IPPK: variants seen among roughly 807,000 people sequenced by gnomAD.
IPPK encodes IPK1 homolog.
IPPK carries 22 observed loss-of-function variants against 64.6 expected under a neutral mutation model. The observed-to-expected ratio is 0.34, with a 90% CI of 0.24 to 0.49. The LOEUF is 0.49. IPPK is among the 20% of genes least tolerant of loss of function. The pLI, the probability that IPPK is intolerant of heterozygous loss-of-function variation, is 0.99. For missense variants in IPPK, 532 were observed against 630.7 expected (o/e 0.84, Z 1.68); for synonymous variants, 262 against 247.2 (o/e 1.06, Z -0.56).
At chr9:92,637,632 CTCTG>C (rs777197219) in intron 9 of IPPK, among the ~76,000 whole-genome samples, 6 of 152,278 alleles carry the variant, frequency 3.9e-5, no homozygotes, top group Admixed American at 2.0e-4. Context: ...CCTCAATTCT[CTCTG>C]TCTAAGGAAC....
chr9:92,662,193 A>G (rs1852498516), intron 1 of IPPK, among the ~76,000 whole-genome samples: 1 of 152,202 alleles, frequency 6.6e-6, no homozygotes, highest in Admixed American at 6.5e-5. Flanking sequence ...GATATTTGAA[A>G]CTTACCTTCT....
chr9:92,633,588 A>G (rs1455471182), intron 11 of IPPK, among the ~76,000 whole-genome samples: 1 of 151,806 alleles, frequency 6.6e-6, no homozygotes. Flanking sequence ...TTGGCTTCCA[A>G]CTTTTGGTTT....
At chr9:92,638,977 G>A (rs1404908114) in intron 8 of IPPK, among the ~76,000 whole-genome samples, 1 of 152,214 alleles carries the variant, frequency 6.6e-6, no homozygotes, top group African/African-American at 2.4e-5. Context: ...GCTGCCCAGG[G>A]GAAAGGCCCC....
intron 6 of IPPK, among the ~76,000 whole-genome samples, chr9:92,643,574 G>C (rs1470700724): frequency 1.3e-5 from 2 of 148,494 alleles, no homozygotes; most frequent in South Asian, 4.4e-4. Flanking sequence ...TGGATACAGT[G>C]TAATGTCAAT....
intron 6 of IPPK, among the ~76,000 whole-genome samples, chr9:92,646,701 T>C (rs899738993): frequency 6.6e-6 from 1 of 152,130 alleles, no homozygotes; most frequent in Non-Finnish European, 1.5e-5. Context: ...CTCACACCTG[T>C]AATCCCAGCA....
At chr9:92,621,490 C>T (rs1363560334) in intron 11 of IPPK, among the ~76,000 whole-genome samples, 3 of 144,466 alleles carry the variant, frequency 2.1e-5, no homozygotes, top group Non-Finnish European at 4.5e-5. Context: ...GCATTTAAGT[C>T]AGAAATAATA....
At chr9:92,650,025 CAAAA>C (rs976792024) in intron 4 of IPPK, among the ~76,000 whole-genome samples, 1 of 68,706 alleles carries the variant, frequency 1.5e-5, no homozygotes. Context: ...GACTCTGTCT[CAAAA>C]AAAAAAAAAA....
chr9:92,633,686 A>G (rs1035015142), intron 11 of IPPK, among the ~76,000 whole-genome samples: 2 of 152,248 alleles, frequency 1.3e-5, no homozygotes, highest in African/African-American at 4.8e-5. Flanking sequence ...TGTAACATTT[A>G]ATGCAGTGAT....
At chr9:92,622,564 T>C (rs533965420) in intron 11 of IPPK, among the ~76,000 whole-genome samples, 3 of 152,162 alleles carry the variant, frequency 2.0e-5, no homozygotes, top group African/African-American at 7.2e-5. Flanking sequence ...GAAATTAATA[T>C]AAGACCTCTC....
In IPPK at chr9:92,635,379, C is replaced by G; in HGVS notation, c.917-71G>C. ...GAACGTGGAGGGAGACACAGGCCGG[C>G]GCAGACCGCAGGGCTCATCCTGGGC... On this transcript the variant is annotated intron_variant, in intron 9 of 12. Transcript: ENST00000287996. This position sits in a 1 kb window ranked among gnomAD's most constrained non-coding sequence, Gnocchi z 4.4. 1 of 1,508,250 alleles carries G rather than the reference C, an allele frequency of 6.6e-7. No homozygotes were observed. 93.4% of individuals were successfully genotyped at this position (1,508,250 alleles called of 1,614,324 possible).
At chr9:92,653,831 G>A (rs1043448747) in intron 3 of IPPK, among the ~76,000 whole-genome samples, 39 of 152,058 alleles carry the variant, frequency 2.6e-4, no homozygotes, top group Admixed American at 2.4e-3. Flanking sequence ...GCGACAGAGC[G>A]AGAATTTGTC....
At chr9:92,661,455 G>A (rs1196704757) in intron 1 of IPPK, among the ~76,000 whole-genome samples, 1 of 152,182 alleles carries the variant, frequency 6.6e-6, no homozygotes, top group Non-Finnish European at 1.5e-5. Context: ...AGAGGATATG[G>A]ACACAGGCCT....
chr9:92,655,582 T>G (rs1017524727), intron 3 of IPPK, among the ~76,000 whole-genome samples: 1 of 152,108 alleles, frequency 6.6e-6, no homozygotes, highest in African/African-American at 2.4e-5. Context: ...AGGTTGCCAA[T>G]GGGACCTCGA....
At chr9:92,624,669 C>A (rs1348940828) in intron 11 of IPPK, among the ~76,000 whole-genome samples, 2 of 152,030 alleles carry the variant, frequency 1.3e-5, no homozygotes, top group Non-Finnish European at 2.9e-5. Flanking sequence ...CATTTCTTTT[C>A]TCATCGTTAT....
intron 4 of IPPK, 25 bp downstream of exon 4, chr9:92,652,548 A>G (rs765997678): frequency 2.3e-6 from 3 of 1,294,606 alleles, no homozygotes; most frequent in Non-Finnish European, 3.3e-6. Context: ...ATTACAAACA[A>G]TATCTGTAAG....
chr9:92,637,079 G>A (rs551822114), intron 9 of IPPK, among the ~76,000 whole-genome samples: 1 of 152,144 alleles, frequency 6.6e-6, no homozygotes, highest in Non-Finnish European at 1.5e-5. Flanking sequence ...CTAGCACTTT[G>A]AGAGTCCAAG....
At chr9:92,616,196 C>T in intron 12 of IPPK, 139 bp from the exon 13 acceptor site, 1 of 639,086 alleles carries the variant, frequency 1.6e-6, no homozygotes, top group South Asian at 2.0e-5. Flanking sequence ...ATAAATCAAT[C>T]TCTTTTAAAA....
At chr9:92,669,804 G>A in intron 1 of IPPK, 104 bp downstream of exon 1, 1 of 785,134 alleles carries the variant, frequency 1.3e-6, no homozygotes, top group Admixed American at 2.1e-5. Context: ...GAAGGTACTG[G>A]GGGGACGTGG....
At position 92,615,247 on chromosome 9, in the gene IPPK, AC is replaced by A. The variant is rs1345822868; in HGVS notation, c.*584del. Reference sequence around the variant, plus strand: ...CCTGTGTGGAACTGTGGGCTTCAGCACCTCCACAGGGACCCTGAGTCTACAC... The same window carrying A: ...CCTGTGTGGAACTGTGGGCTTCAGCACTCCACAGGGACCCTGAGTCTACAC... On this transcript the variant is annotated 3_prime_UTR_variant, in exon 13 of 13. Transcript: ENST00000287996. 2.0e-5 allele frequency: 3 copies of A among 153,072 alleles called. No individual in the cohort carries two copies. The East Asian group carries it at 5.9e-4, about 30-fold the overall frequency. The allele number at this position is 153,072 out of a possible 1,614,324, so 9.5% of individuals were successfully genotyped here. A position where few individuals can be genotyped will look rare whatever the true frequency, so the allele number is the denominator to read the frequency against.
Sources: gnomAD v4.1 joint callset for allele counts (sites outside exome capture counted in the v4.1 genomes callset) on GRCh38, gnomAD v4.1.1 for gene constraint, Gnocchi (gnomAD v3.1) non-coding constraint, MANE v1.5 for transcripts, NCBI Gene and HGNC (gene_info 2026-07-23, HGNC 2026-07-21) for gene names.